The following GRID2 variants were observed in gnomAD, a reference collection of about 807,000 sequenced individuals.
GRID2 encodes the protein glutamate receptor ionotropic, delta-2.
A neutral mutation model predicts 114.8 loss-of-function variants in GRID2; 33 were observed. The ratio of observed to expected loss-of-function variants is 0.29; its 90% confidence interval spans 0.22 to 0.38. The LOEUF (loss-of-function observed/expected upper bound fraction) is 0.38, where lower values mean the gene tolerates loss of function less well. Among genes scored for constraint, GRID2 ranks in the 10% least tolerant of loss-of-function variants. GRID2 has a pLI of 1.00. For synonymous variants in GRID2, 505 were observed against 449.9 expected, an observed-to-expected ratio of 1.12 and a Z score of -1.55; for missense variants, 1,184 against 1,257.7, an observed-to-expected ratio of 0.94 and a Z score of 0.89.
intron 14 of GRID2, among the ~76,000 whole-genome samples, chr4:93,704,008 C>T (rs1355983509): frequency 1.3e-5 from 2 of 152,092 alleles, no homozygotes; most frequent in African/African-American, 2.4e-5. Flanking sequence ...TGGGTATATA[C>T]CCAGTAATGG....
intron 1 of GRID2, among the ~76,000 whole-genome samples, chr4:92,462,067 T>A (rs1721526241): frequency 6.6e-6 from 1 of 152,094 alleles, no homozygotes; most frequent in Admixed American, 6.6e-5. Flanking sequence ...GGTATTGTTT[T>A]GAAATGTACT....
At chr4:92,704,701 A>ATCTCTCTCTCTCTCTCTCTC (rs778705188) in intron 2 of GRID2, among the ~76,000 whole-genome samples, 1 of 113,666 alleles carries the variant, frequency 8.8e-6, no homozygotes, top group African/African-American at 3.3e-5. Context: ...CAATCAATCA[A>ATCTCTCTCTCTCTCTCTCTC]TCTCTCTCTC....
At chr4:93,224,350 T>A (rs1745237729) in intron 6 of GRID2, among the ~76,000 whole-genome samples, 1 of 152,170 alleles carries the variant, frequency 6.6e-6, no homozygotes, top group Admixed American at 6.6e-5. Flanking sequence ...GCCTTATCTC[T>A]GTCGAAATTT....
intron 2 of GRID2, among the ~76,000 whole-genome samples, chr4:92,598,884 T>C (rs1729072606): frequency 6.6e-6 from 1 of 152,094 alleles, no homozygotes; most frequent in Non-Finnish European, 1.5e-5. Context: ...CATATTCTAG[T>C]ACTTTTATTA....
At chr4:92,584,072 C>T (rs34047273) in intron 1 of GRID2, among the ~76,000 whole-genome samples, 57,542 of 151,346 alleles carry the variant, frequency 0.38, 10,932 homozygotes, top group Middle Eastern at 0.46. Context: ...GTATCAAAAA[C>T]GCTAATCTCT....
intron 1 of GRID2, among the ~76,000 whole-genome samples, chr4:92,466,033 G>T (rs1235143955): frequency 1.3e-5 from 2 of 151,426 alleles, no homozygotes; most frequent in African/African-American, 4.8e-5. Flanking sequence ...CACATATTTG[G>T]GGGGTACATA....
At chr4:92,440,746 A>G (rs2110360322) in intron 1 of GRID2, among the ~76,000 whole-genome samples, 1 of 152,156 alleles carries the variant, frequency 6.6e-6, no homozygotes, top group South Asian at 2.1e-4. Flanking sequence ...AGGGTGAGGA[A>G]CAGGAAAGAA....
At chr4:93,489,598 T>A (rs1439259337) in intron 11 of GRID2, among the ~76,000 whole-genome samples, 1 of 151,824 alleles carries the variant, frequency 6.6e-6, no homozygotes, top group Non-Finnish European at 1.5e-5. Flanking sequence ...ACATAAGTAG[T>A]TCAGTAGTAG....
At chr4:93,757,956 C>CA (rs1194320050) in intron 14 of GRID2, among the ~76,000 whole-genome samples, 1 of 150,602 alleles carries the variant, frequency 6.6e-6, no homozygotes, top group African/African-American at 2.4e-5. Context: ...GACTCCGTCT[C>CA]AAAAAAAAGA....
intron 9 of GRID2, among the ~76,000 whole-genome samples, chr4:93,420,766 A>ATT (rs1319608006): frequency 4.4e-5 from 6 of 135,184 alleles, no homozygotes; most frequent in African/African-American, 1.6e-4. Flanking sequence ...TTATTTATTT[A>ATT]TGTTTTTGAG....
intron 2 of GRID2, among the ~76,000 whole-genome samples, chr4:92,912,052 T>C (rs571353981): frequency 6.6e-6 from 1 of 151,924 alleles, no homozygotes; most frequent in Non-Finnish European, 1.5e-5. Flanking sequence ...TAATAGAAGA[T>C]AATATTTTTA....
At chr4:93,403,219 G>A (rs1766075068) in intron 9 of GRID2, among the ~76,000 whole-genome samples, 1 of 152,064 alleles carries the variant, frequency 6.6e-6, no homozygotes, top group Non-Finnish European at 1.5e-5. Flanking sequence ...TCCAGGGGCT[G>A]ATATCTAAAA....
chr4:92,595,029 A>T (rs190635135), intron 2 of GRID2, among the ~76,000 whole-genome samples: 6 of 152,092 alleles, frequency 3.9e-5, no homozygotes, highest in Admixed American at 1.3e-4. Flanking sequence ...CATGTATTTG[A>T]TGTATTAAGA....
chr4:92,379,999 C>G (rs2110234826), intron 1 of GRID2, among the ~76,000 whole-genome samples: 1 of 151,956 alleles, frequency 6.6e-6, no homozygotes, highest in Non-Finnish European at 1.5e-5. Flanking sequence ...GCAAAATTGT[C>G]CAACAGGTTA....
chr4:93,200,056 G>A (rs1206933373), intron 4 of GRID2, among the ~76,000 whole-genome samples: 2 of 152,084 alleles, frequency 1.3e-5, no homozygotes, highest in African/African-American at 2.4e-5. Flanking sequence ...CTATAGTAGT[G>A]CACTTTGGCC....
At chr4:92,929,119 A>C (rs746890043) in intron 2 of GRID2, among the ~76,000 whole-genome samples, 1 of 151,480 alleles carries the variant, frequency 6.6e-6, no homozygotes, top group Non-Finnish European at 1.5e-5. Flanking sequence ...AATACTTTAA[A>C]AAGGCAAACT....
chr4:92,901,230 C>T (rs1747561120), intron 2 of GRID2, among the ~76,000 whole-genome samples: 1 of 152,126 alleles, frequency 6.6e-6, no homozygotes, highest in Admixed American at 6.6e-5. Flanking sequence ...ACATCCTTGC[C>T]AAAATCTGTT....
At chr4:92,621,452 T>G (rs114763750) in intron 2 of GRID2, among the ~76,000 whole-genome samples, 2,705 of 151,872 alleles carry the variant, frequency 0.018, 71 homozygotes, top group African/African-American at 0.062. Flanking sequence ...GAAAAATGAT[T>G]ATTTTGGTGT....
intron 2 of GRID2, among the ~76,000 whole-genome samples, chr4:93,009,776 C>G (rs1300689488): frequency 6.6e-6 from 1 of 152,054 alleles, no homozygotes; most frequent in South Asian, 2.1e-4. Context: ...GCATTCTACT[C>G]TCTCTTCTAA....
Sources: allele counts gnomAD v4.1 joint callset (sites outside exome capture counted in the v4.1 genomes callset), GRCh38; gene constraint gnomAD v4.1.1; transcripts MANE v1.5; gene names NCBI Gene and HGNC (gene_info 2026-07-23, HGNC 2026-07-21).